The following TRIM38 variants were observed in gnomAD, a reference collection of about 807,000 sequenced individuals.
The protein encoded by TRIM38 is tripartite motif containing 38.
TRIM38 carries 35 observed loss-of-function variants against 35.8 expected under a neutral mutation model. The observed-to-expected ratio is 0.98, with a 90% CI of 0.75 to 1.30. The LOEUF (loss-of-function observed/expected upper bound fraction) is 1.30, where lower values mean the gene tolerates loss of function less well. Ranked by LOEUF, TRIM38 falls within the 50% of genes most tolerant of loss-of-function variation. The probability of loss-of-function intolerance (pLI) is 0.00; values close to 1 mark genes in which losing one functional copy is unlikely to be tolerated. For synonymous variants in TRIM38, 198 were observed against 204.7 expected, an observed-to-expected ratio of 0.97 and a Z score of 0.28; for missense variants, 545 against 556.9, an observed-to-expected ratio of 0.98 and a Z score of 0.21.
chr6:25,969,313 T>G lies in TRIM38; in HGVS notation c.412-12T>G. The G allele has an allele frequency of 6.2e-7, 1 of 1,609,878 alleles. No homozygotes were observed. The highest frequency in any genetic ancestry group is 8.5e-7 in the Non-Finnish European group (1 of 1,177,668). On this transcript the variant is annotated splice_polypyrimidine_tract_variant and intron_variant, in intron 3 of 7. Transcript: ENST00000357085. The stretch of plus-strand genomic sequence containing the variant: ...AATTGAATAGGCTTCACTTATCAAA[T>G]TTTTCCTTCAGGAAAAGCTCCAGAA...
intron 4 of TRIM38, among the ~76,000 whole-genome samples, chr6:25,971,536 C>A (rs1760228484): frequency 6.6e-6 from 1 of 152,166 alleles, no homozygotes; most frequent in South Asian, 2.1e-4. Context: ...CAACCATCAC[C>A]ATTCCCATCT....
In TRIM38 at chr6:25,983,275, G is replaced by A; in HGVS notation, c.986G>A (p.Arg329Lys). The A allele has an allele frequency of 6.2e-7, 1 of 1,614,172 alleles. No homozygotes were observed. The highest frequency in any genetic ancestry group is 1.1e-5 in the South Asian group (1 of 91,076). ...TQENQDTSSR[R>K]FTAFPCVLGC... The stretch of plus-strand genomic sequence containing the variant: ...GAGAATCAGGACACATCTTCCAGGA[G>A]ATTTACTGCCTTCCCCTGTGTCTTG... The change falls in exon 8 of 8, where the codon AGA becomes AAA. Residue 329 changes from arginine (R) to lysine (K), a missense_variant. By Grantham distance (26) the Arg-to-Lys change is conservative. Coordinates refer to ENST00000357085, the MANE Select transcript of TRIM38 (RefSeq NM_006355.5).
chr6:25,963,914 AAAC>A (rs55782472), intron 2 of TRIM38, among the ~76,000 whole-genome samples: 1 of 150,962 alleles, frequency 6.6e-6, no homozygotes, highest in Admixed American at 6.6e-5. Context: ...CTGAAAGCAA[AAAC>A]AACAACAACA....
rs969635042 is a variant in TRIM38 at position 25,989,114 on chromosome 6, A to T, written c.*5427A>T. On this transcript the variant is annotated 3_prime_UTR_variant, in exon 8 of 8. Transcript: ENST00000357085. ...GTCATTCTACTAGGTATGCAGTGGT[A>T]TCTACTTGTTTTAATTTGCAGTTCC... is the stretch of plus-strand genomic sequence containing the variant. 5.9e-5 allele frequency: 9 copies of T among 152,224 alleles called. No homozygotes were observed. The highest frequency in any genetic ancestry group is 2.2e-4 in the African/African-American group (9 of 41,472). 9.4% of individuals were successfully genotyped at this position (152,224 alleles called of 1,614,324 possible).
intron 3 of TRIM38, among the ~76,000 whole-genome samples, chr6:25,967,669 T>G (rs111930695): frequency 0.012 from 1,796 of 151,228 alleles, 29 homozygotes; most frequent in African/African-American, 0.031. Context: ...CCCAAGTAGC[T>G]AGGACTACAG....
chr6:25,988,718 C>G lies in TRIM38; in HGVS notation c.*5031C>G, dbSNP rs1581615971. The G allele has an allele frequency of 6.6e-6, 1 of 151,962 alleles. No individual in the cohort carries two copies. Among genetic ancestry groups the G allele is most frequent in the African/African-American group, 2.4e-5 (1 of 41,360 alleles). 9.4% of individuals were successfully genotyped at this position (151,962 alleles called of 1,614,324 possible). ...CAAACTCCTGGCCTCAAGCAATCCA[C>G]CCACTTCGGCCTCCCAAAGTGAATG... On this transcript the variant is annotated 3_prime_UTR_variant, in exon 8 of 8. Coordinates refer to ENST00000357085, the MANE Select transcript of TRIM38 (RefSeq NM_006355.5).
chr6:25,977,334 C>T (rs986546722), intron 7 of TRIM38, among the ~76,000 whole-genome samples: 3 of 152,092 alleles, frequency 2.0e-5, no homozygotes, highest in East Asian at 1.9e-4. Flanking sequence ...GCTATGATCA[C>T]GCCACTGTAC....
chr6:25,977,958 C>T (rs544272193), intron 7 of TRIM38, among the ~76,000 whole-genome samples: 17 of 152,160 alleles, frequency 1.1e-4, no homozygotes, highest in African/African-American at 4.1e-4. Flanking sequence ...AACAACATTG[C>T]ATGTTGGCTC....
Position 25,966,470 on chromosome 6 carries a change from G to A in TRIM38, c.-53G>A. On this transcript the variant is annotated 5_prime_UTR_variant, in exon 3 of 8. Coordinates refer to ENST00000357085, the MANE Select transcript of TRIM38 (RefSeq NM_006355.5). ...TATTTTCATCACGGTGGAAAATTCTGGCTGCTTCATCTCCATCTCTAGAGC... is the reference window on the plus strand; with the variant it reads ...TATTTTCATCACGGTGGAAAATTCTAGCTGCTTCATCTCCATCTCTAGAGC... The A allele has an allele frequency of 6.6e-7, 1 of 1,516,366 alleles. No homozygotes were observed. The highest frequency in any genetic ancestry group is 2.3e-5 in the East Asian group (1 of 44,076). The allele number at this position is 1,516,366 out of a possible 1,614,324, so 93.9% of individuals were successfully genotyped here.
chr6:25,966,374 G>A lies in TRIM38; in HGVS notation c.-149G>A, dbSNP rs1760044562. 1 of 776,312 alleles carries A rather than the reference G, an allele frequency of 1.3e-6. No homozygotes were observed. The highest frequency in any genetic ancestry group is 1.9e-6 in the Non-Finnish European group (1 of 513,310). 48.1% of individuals were successfully genotyped at this position (776,312 alleles called of 1,614,324 possible). On this transcript the variant is annotated 5_prime_UTR_variant, in exon 3 of 8. Transcript: ENST00000357085. ...AATACAAAATGAGATAATAGGGGTT[G>A]GAAGGAAAACCTTCAAGACCTATGG... is the stretch of plus-strand genomic sequence containing the variant.
chr6:25,981,147 T>C (rs911231406), intron 7 of TRIM38, among the ~76,000 whole-genome samples: 1 of 152,190 alleles, frequency 6.6e-6, no homozygotes, highest in Non-Finnish European at 1.5e-5. Flanking sequence ...TAGGGAGCTG[T>C]AACTATACTA....
At chr6:25,981,939 G>A (rs1760554799) in intron 7 of TRIM38, among the ~76,000 whole-genome samples, 1 of 152,204 alleles carries the variant, frequency 6.6e-6, no homozygotes, top group African/African-American at 2.4e-5. Context: ...TTAAGACGAA[G>A]ATGATGTTGA....
At chr6:25,979,803 T>C (rs1760496231) in intron 7 of TRIM38, among the ~76,000 whole-genome samples, 1 of 152,060 alleles carries the variant, frequency 6.6e-6, no homozygotes, top group Non-Finnish European at 1.5e-5. Flanking sequence ...GTTCAGCTTT[T>C]TAATTTTTCT....
At chr6:25,963,922 A>G (rs1759933091) in intron 2 of TRIM38, among the ~76,000 whole-genome samples, 1 of 151,732 alleles carries the variant, frequency 6.6e-6, no homozygotes, top group Non-Finnish European at 1.5e-5. Context: ...AAAAACAACA[A>G]CAACAAAAAC....
In TRIM38 at chr6:25,973,312, A is replaced by G. The variant is rs760152419; in HGVS notation, c.874+27A>G. 4 of 1,608,752 alleles carry G rather than the reference A, an allele frequency of 2.5e-6. No homozygotes were observed. The South Asian group carries it at 4.4e-5, about 18-fold the overall frequency. On this transcript the variant is annotated intron_variant, in intron 7 of 7. Coordinates refer to ENST00000357085, the MANE Select transcript of TRIM38 (RefSeq NM_006355.5). The stretch of plus-strand genomic sequence containing the variant: ...TATGTTCACTAAAGAATTCCTGAAT[A>G]CTGTGGATAGAAGGGGCCTTATGCA...
At chr6:25,980,481 C>T (rs1760514240) in intron 7 of TRIM38, among the ~76,000 whole-genome samples, 1 of 149,846 alleles carries the variant, frequency 6.7e-6, no homozygotes, top group Non-Finnish European at 1.5e-5. Flanking sequence ...AGTGTAGTGG[C>T]GAAATCTCAG....
In TRIM38 at chr6:25,988,332, G is replaced by A. The variant is rs1029714323; in HGVS notation, c.*4645G>A. On this transcript the variant is annotated 3_prime_UTR_variant, in exon 8 of 8. Coordinates refer to ENST00000357085, the MANE Select transcript of TRIM38 (RefSeq NM_006355.5). ...ACCACTTCACCCTTGAATTCTTCCC[G>A]GGCTAAGCCCTAATTTTTGGCTTGC... is the stretch of plus-strand genomic sequence containing the variant. 3.3e-5 allele frequency: 5 copies of A among 151,742 alleles called. No individual in the cohort carries two copies. The highest frequency in any genetic ancestry group is 1.2e-4 in the African/African-American group (5 of 41,278). 9.4% of individuals were successfully genotyped at this position (151,742 alleles called of 1,614,324 possible). A position where few individuals can be genotyped will look rare whatever the true frequency, so the allele number is the denominator to read the frequency against.
chr6:25,968,642 C>T (rs1760133689), intron 3 of TRIM38, among the ~76,000 whole-genome samples: 1 of 152,214 alleles, frequency 6.6e-6, no homozygotes. Flanking sequence ...ACAATTCTTT[C>T]AGCATTGACT....
At chr6:25,967,034 A>G in intron 3 of TRIM38, 101 bp downstream of exon 3, 3 of 1,259,212 alleles carry the variant, frequency 2.4e-6, no homozygotes, top group Non-Finnish European at 2.2e-6. Context: ...TGACTTGGAA[A>G]TACAGCTTTC....
Sources: allele counts gnomAD v4.1 joint callset (sites outside exome capture counted in the v4.1 genomes callset), GRCh38; gene constraint gnomAD v4.1.1; transcripts MANE v1.5; gene names NCBI Gene and HGNC (gene_info 2026-07-23, HGNC 2026-07-21).